PARD3: variants seen among roughly 807,000 people sequenced by gnomAD.
PARD3 encodes the protein par-3 family cell polarity regulator, also known as partitioning defective 3 homolog.
In PARD3, 75 loss-of-function variants were observed where a neutral mutation model predicts 155.4. The observed-to-expected ratio is 0.48, with a 90% CI of 0.40 to 0.58. The LOEUF is 0.58. PARD3 is among the 20% of genes least tolerant of loss of function. The probability of loss-of-function intolerance (pLI) is 0.00; values close to 1 mark genes in which losing one functional copy is unlikely to be tolerated. For missense variants in PARD3, 1,642 were observed against 1,721.7 expected, an observed-to-expected ratio of 0.95 and a Z score of 0.82; for synonymous variants, 576 against 610.5, an observed-to-expected ratio of 0.94 and a Z score of 0.83.
rs2076595953 is a variant in PARD3 at position 34,443,815 on chromosome 10, CA to C, written c.714+6501del. The stretch of plus-strand genomic sequence containing the variant: ...TCTGAAAAGTATAAAGAAAAAGCAT[CA>C]CAGCTGCAGAAAGTGACAAAGGTAT... On this transcript the variant is annotated intron_variant, in intron 5 of 24. Transcript: ENST00000374788. Among the ~76,000 whole-genome samples the C allele has an allele frequency of 2.0e-5, 3 of 152,050 alleles. No individual in the cohort carries two copies. In the South Asian group the frequency reaches 6.2e-4, roughly 32 times the overall value.
chr10:34,595,442 G>A (rs2089163245), intron 2 of PARD3, among the ~76,000 whole-genome samples: 1 of 152,120 alleles, frequency 6.6e-6, no homozygotes, highest in Admixed American at 6.5e-5. Flanking sequence ...TATAAAATGT[G>A]ACTACATTCC....
chr10:34,650,015 G>A (rs1301534960), intron 2 of PARD3, among the ~76,000 whole-genome samples: 2 of 152,174 alleles, frequency 1.3e-5, no homozygotes, highest in African/African-American at 2.4e-5. Context: ...TGTCCCACTG[G>A]AAGGGCTTCA....
At chr10:34,474,636 A>G (rs1190486722) in intron 3 of PARD3, among the ~76,000 whole-genome samples, 2 of 152,216 alleles carry the variant, frequency 1.3e-5, no homozygotes, top group African/African-American at 4.8e-5. Flanking sequence ...CACGTCACAG[A>G]TGAGTAAGCT....
At chr10:34,610,374 T>C (rs1476805273) in intron 2 of PARD3, among the ~76,000 whole-genome samples, 1 of 152,168 alleles carries the variant, frequency 6.6e-6, no homozygotes, top group African/African-American at 2.4e-5. Context: ...CTACATTCTG[T>C]CACTGTTTAA....
At chr10:34,287,970 G>A (rs1225769653) in intron 20 of PARD3, among the ~76,000 whole-genome samples, 1 of 152,104 alleles carries the variant, frequency 6.6e-6, no homozygotes, top group Non-Finnish European at 1.5e-5. Context: ...CAGCATTTTG[G>A]GAGGTCGCCG....
In PARD3 at chr10:34,118,177, A is replaced by G. The variant is rs181174552; in HGVS notation, c.3668+1436T>C. Among the ~76,000 whole-genome samples, 401 of 152,252 alleles carry G rather than the reference A, an allele frequency of 2.6e-3. 1 individual carries two copies. The highest frequency in any genetic ancestry group is 9.1e-3 in the African/African-American group (380 of 41,544). ...AAAGGAAAAAATAATTTAGTACTCAAAGGGGTTTTATATAGCCTTATGGAT... is the reference window on the plus strand; with the variant it reads ...AAAGGAAAAAATAATTTAGTACTCAGAGGGGTTTTATATAGCCTTATGGAT... On this transcript the variant is annotated intron_variant, in intron 24 of 24. Transcript: ENST00000374788.
At chr10:34,420,858 A>G (rs898734426) in intron 5 of PARD3, among the ~76,000 whole-genome samples, 1 of 152,214 alleles carries the variant, frequency 6.6e-6, no homozygotes, top group Admixed American at 6.5e-5. Context: ...AACAAAATTT[A>G]ATAATCTTCA....
At chr10:34,612,681 G>GC (rs1328479501) in intron 2 of PARD3, among the ~76,000 whole-genome samples, 3 of 152,214 alleles carry the variant, frequency 2.0e-5, no homozygotes, top group African/African-American at 7.2e-5. Flanking sequence ...GAGGTTTTAT[G>GC]AGCTAATGGC....
chr10:34,440,920 C>T (rs1251691782), intron 5 of PARD3, among the ~76,000 whole-genome samples: 1 of 151,318 alleles, frequency 6.6e-6, no homozygotes, highest in Non-Finnish European at 1.5e-5. Context: ...ATTAAAACTA[C>T]ACACGCCCGC....
chr10:34,596,019 T>C (rs1267909632), intron 2 of PARD3, among the ~76,000 whole-genome samples: 9 of 152,212 alleles, frequency 5.9e-5, no homozygotes, highest in East Asian at 5.8e-4. Context: ...TTGTATTGCA[T>C]ACCAACTTTT....
At chr10:34,722,869 T>C (rs1166520333) in intron 1 of PARD3, among the ~76,000 whole-genome samples, 1 of 152,186 alleles carries the variant, frequency 6.6e-6, no homozygotes. Context: ...AGTGTAACTA[T>C]CTGATATCTA....
intron 2 of PARD3, among the ~76,000 whole-genome samples, chr10:34,518,736 C>A (rs7922653): frequency 0.016 from 2,415 of 152,240 alleles, 66 homozygotes; most frequent in African/African-American, 0.055. Context: ...CATTAGGCAA[C>A]CTCCACCATA....
chr10:34,287,700 A>G (rs1344285577), intron 20 of PARD3, among the ~76,000 whole-genome samples: 5 of 152,224 alleles, frequency 3.3e-5, no homozygotes, highest in Admixed American at 1.3e-4. Flanking sequence ...TCTCATATAT[A>G]TATGAACTCA....
chr10:34,131,302 T>C (rs944582244), intron 23 of PARD3, among the ~76,000 whole-genome samples, 161 bp downstream of exon 23: 1 of 152,206 alleles, frequency 6.6e-6, no homozygotes, highest in Non-Finnish European at 1.5e-5. Context: ...TTAGCAATGA[T>C]GAAACCCAGA....
chr10:34,632,080 G>A (rs909923549), intron 2 of PARD3, among the ~76,000 whole-genome samples: 1 of 152,144 alleles, frequency 6.6e-6, no homozygotes, highest in African/African-American at 2.4e-5. Context: ...CCAACATGGC[G>A]AAATTCCATC....
intron 14 of PARD3, among the ~76,000 whole-genome samples, chr10:34,348,461 T>A (rs368729412): frequency 8.5e-5 from 13 of 152,360 alleles, no homozygotes; most frequent in African/African-American, 2.9e-4. Flanking sequence ...TAATTCAGAA[T>A]TCTTTACTAG....
chr10:34,286,085 T>G (rs753657599), intron 20 of PARD3, among the ~76,000 whole-genome samples: 1 of 152,196 alleles, frequency 6.6e-6, no homozygotes. Flanking sequence ...AATAAAAGAC[T>G]TTGCACTATT....
chr10:34,380,305 T>C (rs1024869794), intron 9 of PARD3, among the ~76,000 whole-genome samples: 1 of 152,100 alleles, frequency 6.6e-6, no homozygotes, highest in Admixed American at 6.6e-5. Flanking sequence ...TCAAGATAGA[T>C]CTATGGGACT....
intron 1 of PARD3, among the ~76,000 whole-genome samples, chr10:34,754,322 G>A (rs915644135): frequency 6.6e-6 from 1 of 152,104 alleles, no homozygotes; most frequent in African/African-American, 2.4e-5. Flanking sequence ...TTTTTATACT[G>A]CTAGATTAAT....
Sources: allele counts gnomAD v4.1 joint callset (sites outside exome capture counted in the v4.1 genomes callset), GRCh38; gene constraint gnomAD v4.1.1; transcripts MANE v1.5; gene names NCBI Gene and HGNC (gene_info 2026-07-23, HGNC 2026-07-21).